The following BMP7 variants were observed in gnomAD, a reference collection of about 807,000 sequenced individuals.
The protein encoded by BMP7 is osteogenic protein 1.
BMP7 carries 12 observed loss-of-function variants against 41.2 expected under a neutral mutation model. The ratio of observed to expected loss-of-function variants is 0.29; its 90% CI spans 0.19 to 0.47. BMP7 has a LOEUF of 0.47. BMP7 is among the 20% of genes least tolerant of loss of function. The probability of loss-of-function intolerance (pLI) is 0.99; values close to 1 mark genes in which losing one functional copy is unlikely to be tolerated. For synonymous variants in BMP7, 248 were observed against 250.0 expected, an observed-to-expected ratio of 0.99 and a Z score of 0.07; for missense variants, 467 against 606.0, an observed-to-expected ratio of 0.77 and a Z score of 2.41.
At chr20:57,173,033 A>G (rs1367015433) in intron 6 of BMP7, 167 bp downstream of exon 6, 3 of 720,814 alleles carry the variant, frequency 4.2e-6, no homozygotes, top group African/African-American at 3.5e-5. Context: ...AACCAGTCAT[A>G]AAGTACAATT....
intron 2 of BMP7, among the ~76,000 whole-genome samples, chr20:57,225,020 C>T (rs559822632): frequency 1.3e-5 from 2 of 152,204 alleles, no homozygotes; most frequent in African/African-American, 2.4e-5. Flanking sequence ...AGGCACAGCT[C>T]GTCAGATGTC....
rs549950297 is a variant in BMP7 at position 57,238,057 on chromosome 20, G to A, written c.419-9636C>T. On this transcript the variant is annotated intron_variant, in intron 1 of 6. Coordinates refer to ENST00000395863, the MANE Select transcript of BMP7 (RefSeq NM_001719.3). ...ACCATTCTTGCACATCCAGTCTCCA[G>A]GACTTTTTTCATCTTGCAACGCCAA... Among the ~76,000 whole-genome samples the A allele has an allele frequency of 5.3e-5, 8 of 152,274 alleles. No individual in the cohort carries two copies. The East Asian group carries it at 1.3e-3, about 26-fold the overall frequency.
intron 3 of BMP7, 51 bp from the exon 4 acceptor site, chr20:57,183,970 G>A (rs575892610): frequency 6.3e-6 from 10 of 1,590,366 alleles, no homozygotes; most frequent in East Asian, 4.5e-5. Flanking sequence ...GGAGGGCCAC[G>A]AGCGGGACAG....
intron 3 of BMP7, among the ~76,000 whole-genome samples, chr20:57,192,344 T>TTA (rs1329401705): frequency 6.9e-5 from 10 of 144,902 alleles, no homozygotes; most frequent in African/African-American, 2.5e-4. Context: ...TATGTATTTT[T>TTA]TATGTGTATA....
intron 2 of BMP7, among the ~76,000 whole-genome samples, chr20:57,207,814 T>C (rs1391438192): frequency 1.4e-4 from 4 of 29,184 alleles, no homozygotes; most frequent in African/African-American, 8.4e-4. Flanking sequence ...CCAGTTGGTT[T>C]TTTTTTTTTT....
intron 4 of BMP7, among the ~76,000 whole-genome samples, chr20:57,183,414 C>T (rs6014953): frequency 0.99 from 151,113 of 152,310 alleles, 74,958 homozygotes; most frequent in East Asian, 1. Flanking sequence ...TTCCCATCCA[C>T]GTTTCAGGGT....
intron 1 of BMP7, among the ~76,000 whole-genome samples, chr20:57,263,618 T>TA (rs1297073303): frequency 4.6e-5 from 7 of 152,164 alleles, no homozygotes; most frequent in Non-Finnish European, 1.0e-4. Flanking sequence ...AGGCAGCCAC[T>TA]GGGACCTGCA....
chr20:57,178,410 CA>C (rs902356610), intron 4 of BMP7, among the ~76,000 whole-genome samples: 1 of 152,076 alleles, frequency 6.6e-6, no homozygotes, highest in Non-Finnish European at 1.5e-5. Flanking sequence ...TGGAGGCAGC[CA>C]GGGGGAGCCC....
intron 2 of BMP7, among the ~76,000 whole-genome samples, chr20:57,203,598 T>C (rs1306415436): frequency 6.6e-6 from 1 of 152,138 alleles, no homozygotes; most frequent in African/African-American, 2.4e-5. Flanking sequence ...AGAGGGTAAA[T>C]AAGTGGATTG....
chr20:57,248,590 A>C (rs569284476), intron 1 of BMP7, among the ~76,000 whole-genome samples: 27 of 152,218 alleles, frequency 1.8e-4, no homozygotes, highest in African/African-American at 6.0e-4. Context: ...GAGGTAAGAG[A>C]CATGAGGAAT....
rs1983775394 is a variant in BMP7, at chr20:57,169,847, CTGG to C, written c.*1109_*1111del. On this transcript the variant is annotated 3_prime_UTR_variant, in exon 7 of 7. Coordinates refer to ENST00000395863, the MANE Select transcript of BMP7 (RefSeq NM_001719.3). ...TCTTGGCTCACTGCAACCTCCACCT[CTGG>C]GGTTCAAGCAATTCTCCTGCCTCAG... is the stretch of plus-strand genomic sequence containing the variant. The C allele has an allele frequency of 6.6e-6, 1 of 152,110 alleles. No homozygotes were observed. Among genetic ancestry groups the C allele is most frequent in the African/African-American group, 2.4e-5 (1 of 41,390 alleles). The allele number at this position is 152,110 out of a possible 1,614,324, so 9.4% of individuals were successfully genotyped here. A position where few individuals can be genotyped will look rare whatever the true frequency, so the allele number is the denominator to read the frequency against.
At position 57,171,756 on chromosome 20, in the gene BMP7, C is replaced by A. The variant is rs1476500585; in HGVS notation, c.1147-648G>T. ...CTGGGTTTCCAGCAACTGTAGGTGC[C>A]AGGCAAGAGCATCAGTGACTGGCAC... is the stretch of plus-strand genomic sequence containing the variant. On this transcript the variant is annotated intron_variant, in intron 6 of 6. Transcript: ENST00000395863. This position sits in a 1 kb window ranked among gnomAD's most constrained non-coding sequence, Gnocchi z 4.5. Among the ~76,000 whole-genome samples the A allele has an allele frequency of 1.3e-5, 2 of 152,194 alleles. No homozygotes were observed. Among genetic ancestry groups the A allele is most frequent in the African/African-American group, 2.4e-5 (1 of 41,438 alleles).
intron 3 of BMP7, among the ~76,000 whole-genome samples, chr20:57,201,915 G>A (rs1052247228): frequency 6.6e-6 from 1 of 152,226 alleles, no homozygotes; most frequent in African/African-American, 2.4e-5. Context: ...AGGAACTGGA[G>A]AGTCAGACGC....
At chr20:57,173,949 G>C (rs1021327696) in intron 5 of BMP7, among the ~76,000 whole-genome samples, 2 of 152,182 alleles carry the variant, frequency 1.3e-5, no homozygotes, top group African/African-American at 4.8e-5. Flanking sequence ...GGGTGGCACA[G>C]AAATGTTGCC....
chr20:57,223,497 T>C (rs1985239862), intron 2 of BMP7, among the ~76,000 whole-genome samples: 1 of 152,130 alleles, frequency 6.6e-6, no homozygotes, highest in Non-Finnish European at 1.5e-5. Context: ...GAATCAGCAC[T>C]ATGGGAATCA....
intron 1 of BMP7, among the ~76,000 whole-genome samples, chr20:57,244,251 C>T (rs972348141): frequency 4.6e-5 from 7 of 152,174 alleles, no homozygotes; most frequent in Non-Finnish European, 8.8e-5. Flanking sequence ...GTCTAGAAAC[C>T]CCACTTTGAG....
chr20:57,202,019 C>T (rs950556428), intron 3 of BMP7, among the ~76,000 whole-genome samples: 6 of 152,176 alleles, frequency 3.9e-5, no homozygotes, highest in African/African-American at 7.2e-5. Context: ...AGACATTTTT[C>T]GGTGTCACAA....
intron 1 of BMP7, among the ~76,000 whole-genome samples, chr20:57,264,675 A>G (rs2066167759): frequency 6.6e-6 from 1 of 152,184 alleles, no homozygotes; most frequent in South Asian, 2.1e-4. Context: ...TGCGCGCCAC[A>G]CGTGGTAAAT....
In BMP7 at chr20:57,170,534, A is replaced by T. The variant is rs1370722332; in HGVS notation, c.*425T>A. On this transcript the variant is annotated 3_prime_UTR_variant, in exon 7 of 7. Coordinates refer to ENST00000395863, the MANE Select transcript of BMP7 (RefSeq NM_001719.3). ...TTTTATTGTGACATTTATTACAGGA[A>T]CTTCCGGGTCAATTTTCCTTTCGCA... The T allele has an allele frequency of 3.6e-6, 1 of 277,742 alleles. No homozygotes were observed. The highest frequency in any genetic ancestry group is 9.1e-5 in the East Asian group (1 of 10,956). The allele number at this position is 277,742 out of a possible 1,614,324, so 17.2% of individuals were successfully genotyped here. A position where few individuals can be genotyped will look rare whatever the true frequency, so the allele number is the denominator to read the frequency against.
Sources: gnomAD v4.1 joint callset for allele counts (sites outside exome capture counted in the v4.1 genomes callset) on GRCh38, gnomAD v4.1.1 for gene constraint, Gnocchi (gnomAD v3.1) non-coding constraint, MANE v1.5 for transcripts, NCBI Gene and HGNC (gene_info 2026-07-23, HGNC 2026-07-21) for gene names.